The following ZER1 variants were observed in gnomAD, a reference collection of about 807,000 sequenced individuals.
ZER1 encodes protein zer-1 homolog.
In ZER1, 11 loss-of-function variants were observed where a neutral mutation model predicts 78.8. That is an observed-to-expected ratio of 0.14 (90% CI 0.09 to 0.23). ZER1 has a LOEUF of 0.23. ZER1 is among the 10% of genes least tolerant of loss of function. The pLI, the probability that ZER1 is intolerant of heterozygous loss-of-function variation, is 1.00. For synonymous variants in ZER1, 400 were observed against 407.0 expected (o/e 0.98, Z 0.21); for missense variants, 588 against 996.9 (o/e 0.59, Z 5.52).
rs755890202 is a variant in ZER1 at position 128,733,464 on chromosome 9, C to A, written c.2205G>T (p.Lys735Asn). Reference protein sequence around the residue: ...GGMPLLRDIIKMATARQETKE... With the variant: ...GGMPLLRDIINMATARQETKE... ...TGGTCTCCTGCCGTGCGGTCGCCAT[C>A]TTAATTATGTCCCTCAGAAGGGGCA... The change falls in exon 15 of 16, where the codon AAG (lysine) becomes AAT (asparagine). Residue 735 changes from lysine (K) to asparagine (N), a missense_variant. This residue lies in a region of ZER1 where 122 missense variants were observed against 173.5 expected (regional missense o/e 0.70). Coordinates refer to ENST00000291900, the MANE Select transcript of ZER1 (RefSeq NM_006336.4). 208 of 1,613,860 alleles carry A rather than the reference C, an allele frequency of 1.3e-4. No homozygotes were observed. Among genetic ancestry groups the A allele is most frequent in the Non-Finnish European group, 1.6e-4 (188 of 1,179,986 alleles).
intron 13 of ZER1, 111 bp downstream of exon 13, chr9:128,739,820 G>A: frequency 7.4e-7 from 1 of 1,358,830 alleles, no homozygotes; most frequent in South Asian, 1.4e-5. Context: ...GAACCCTACA[G>A]AAGACCAGAA....
At chr9:128,756,958 G>A (rs977697589) in intron 1 of ZER1, among the ~76,000 whole-genome samples, 42 of 152,162 alleles carry the variant, frequency 2.8e-4, no homozygotes, top group African/African-American at 1.0e-3. Context: ...CACAGCTAAA[G>A]ATTTCCTAAC....
chr9:128,753,869 C>T lies in ZER1; in HGVS notation c.249G>A (p.Thr83=), dbSNP rs1263493165. The change falls in exon 3 of 16, where the codon ACG becomes ACA. Residue 83 remains threonine (T), a synonymous_variant. Transcript: ENST00000291900. This position sits in a 1 kb window ranked among gnomAD's most constrained non-coding sequence, Gnocchi z 7.5. Reference sequence around the variant, plus strand: ...CCAGGTCCTCACGGAGGTGGATCCGCGTGAGGCGGGTGCTGCGGGGGTCCG... The same window carrying T: ...CCAGGTCCTCACGGAGGTGGATCCGTGTGAGGCGGGTGCTGCGGGGGTCCG... ...LFSDPRSTRL[T]RIHLREDLVQ... is the part of the protein sequence containing the mutation. 16 of 1,603,474 alleles carry T rather than the reference C, an allele frequency of 1.0e-5. No homozygotes were observed. Among genetic ancestry groups the T allele is most frequent in the East Asian group, 2.2e-5 (1 of 44,482 alleles).
intron 1 of ZER1, among the ~76,000 whole-genome samples, chr9:128,768,744 A>G (rs1864292250): frequency 6.6e-6 from 1 of 152,086 alleles, no homozygotes; most frequent in African/African-American, 2.4e-5. Flanking sequence ...TCTGCTTCCT[A>G]TAAAGCAGGC....
chr9:128,757,361 A>T (rs897104431), intron 1 of ZER1, among the ~76,000 whole-genome samples: 1 of 152,070 alleles, frequency 6.6e-6, no homozygotes, highest in Admixed American at 6.6e-5. Flanking sequence ...TCTACAAAAA[A>T]TACAAAAAAA....
intron 1 of ZER1, among the ~76,000 whole-genome samples, chr9:128,756,705 G>A (rs773470808): frequency 6.6e-6 from 1 of 152,212 alleles, no homozygotes; most frequent in Non-Finnish European, 1.5e-5. Flanking sequence ...CAAATCTATA[G>A]AGACAGAAGT....
At chr9:128,767,927 C>G (rs191715246) in intron 1 of ZER1, among the ~76,000 whole-genome samples, 1 of 152,322 alleles carries the variant, frequency 6.6e-6, no homozygotes, top group Non-Finnish European at 1.5e-5. Flanking sequence ...CTCGGCTCCA[C>G]AAGATCCCCA....
At position 128,753,060 on chromosome 9, in the gene ZER1, T is replaced by A. The variant is rs1433590961; in HGVS notation, c.746+104A>T. Reference sequence around the variant, plus strand: ...TGTGTCTTCATCCCCACCCTCTGCCTAGCCAAGCGCTCCTGAACCCTGAGG... The same window carrying A: ...TGTGTCTTCATCCCCACCCTCTGCCAAGCCAAGCGCTCCTGAACCCTGAGG... On this transcript the variant is annotated intron_variant, in intron 4 of 15. Coordinates refer to ENST00000291900, the MANE Select transcript of ZER1 (RefSeq NM_006336.4). The surrounding 1 kb of genome is among the most constrained non-coding windows in gnomAD (Gnocchi z 7.5). 1.5e-6 allele frequency: 2 copies of A among 1,292,706 alleles called. No homozygotes were observed. Among genetic ancestry groups the A allele is most frequent in the Non-Finnish European group, 2.1e-6 (2 of 963,996 alleles). The allele number at this position is 1,292,706 out of a possible 1,614,324, so 80.1% of individuals were successfully genotyped here.
chr9:128,736,218 G>A (rs1470935631), intron 13 of ZER1, among the ~76,000 whole-genome samples: 1 of 152,046 alleles, frequency 6.6e-6, no homozygotes, highest in Non-Finnish European at 1.5e-5. Flanking sequence ...CCAGAGTGCT[G>A]GGATTATAGG....
intron 1 of ZER1, among the ~76,000 whole-genome samples, chr9:128,771,277 T>C (rs1399970506): frequency 6.6e-6 from 1 of 152,194 alleles, no homozygotes; most frequent in Non-Finnish European, 1.5e-5. Context: ...TCTAAGCACT[T>C]CTCTGGGGGA....
At chr9:128,768,545 A>G (rs1864286221) in intron 1 of ZER1, among the ~76,000 whole-genome samples, 1 of 152,140 alleles carries the variant, frequency 6.6e-6, no homozygotes. Flanking sequence ...CGGGATTTGA[A>G]CCAGGTCCGC....
rs750953324 is a variant in ZER1 at position 128,751,073 on chromosome 9, C to A, written c.1185+49G>T. 6.5e-7 allele frequency: 1 copy of A among 1,544,792 alleles called. No individual in the cohort carries two copies. Among genetic ancestry groups the A allele is most frequent in the Non-Finnish European group, 8.8e-7 (1 of 1,142,164 alleles). The stretch of plus-strand genomic sequence containing the variant: ...ACACGGCTCAGCCAAGCCCGGCAAC[C>A]TCCAGGTGGGGAGGGACAGGAGGCC... On this transcript the variant is annotated intron_variant, in intron 7 of 15. Coordinates refer to ENST00000291900, the MANE Select transcript of ZER1 (RefSeq NM_006336.4). This position sits in a 1 kb window ranked among gnomAD's most constrained non-coding sequence, Gnocchi z 5.4.
chr9:128,755,421 G>A lies in ZER1; in HGVS notation c.145C>T (p.Arg49Trp). 2 of 1,614,014 alleles carry A rather than the reference G, an allele frequency of 1.2e-6. No individual in the cohort carries two copies. Among genetic ancestry groups the A allele is most frequent in the Non-Finnish European group, 1.7e-6 (2 of 1,180,018 alleles). The change falls in exon 2 of 16, where the codon CGG becomes TGG. Residue 49 changes from arginine (R) to tryptophan (W), a missense_variant. Physicochemically the swap from Arg to Trp is moderately radical, Grantham distance 101. Around this residue, in one of 3 missense-constraint regions of ZER1, gnomAD observed 406 missense variants for 660.1 expected, o/e 0.62. Transcript: ENST00000291900. This position sits in a 1 kb window ranked among gnomAD's most constrained non-coding sequence, Gnocchi z 5.6. ...GGGTCTGCTCACTCATTGACGAGCC[G>A]GTCACAGATCTCGCTGGGCAAGAAG... The part of the protein sequence containing the change: ...DIFLPSEICD[R>W]LVNEYVELVN...
At chr9:128,764,400 G>C (rs923647811) in intron 1 of ZER1, among the ~76,000 whole-genome samples, 1 of 152,124 alleles carries the variant, frequency 6.6e-6, no homozygotes, top group Non-Finnish European at 1.5e-5. Context: ...AGAGCCACTG[G>C]GGTTTTGCCT....
chr9:128,768,757 GA>G (rs1303464240), intron 1 of ZER1, among the ~76,000 whole-genome samples: 2 of 152,076 alleles, frequency 1.3e-5, no homozygotes, highest in Admixed American at 1.3e-4. Flanking sequence ...AAGCAGGCTG[GA>G]AAGTCTCAGC....
At chr9:128,768,164 G>T (rs944577357) in intron 1 of ZER1, among the ~76,000 whole-genome samples, 10 of 152,112 alleles carry the variant, frequency 6.6e-5, no homozygotes, top group African/African-American at 2.4e-4. Context: ...CAGCGATTGC[G>T]CCAGATATAA....
chr9:128,732,559 G>A lies in ZER1; in HGVS notation c.2243+867C>T, dbSNP rs977054929. On this transcript the variant is annotated intron_variant, in intron 15 of 15. Coordinates refer to ENST00000291900, the MANE Select transcript of ZER1 (RefSeq NM_006336.4). This position sits in a 1 kb window ranked among gnomAD's most constrained non-coding sequence, Gnocchi z 4.8. ...TAATTTTTGTATTTTTAGTAGAGAC[G>A]GGGTTTTACCATGTTAGCCAGGTCT... is the stretch of plus-strand genomic sequence containing the variant. Among the ~76,000 whole-genome samples the A allele has an allele frequency of 2.6e-5, 4 of 152,038 alleles. No individual in the cohort carries two copies. Among genetic ancestry groups the A allele is most frequent in the South Asian group, 2.1e-4 (1 of 4,814 alleles).
rs749579949 is a variant in ZER1, at chr9:128,742,684, T to C, written c.1421A>G (p.Gln474Arg). ...CAGGAGCTCGTTGACCCGGCGGTAC[T>C]GGAATTCCAGCTCCTCGGGGATGCT... ...NFSIPEELEF[Q>R]YRRVNELLLS... Residue 474 changes from glutamine (Q) to arginine (R), a missense_variant, in exon 9 of 16, where the codon CAG (glutamine) becomes CGG (arginine). Gln to Arg is a conservative substitution (Grantham distance 43). Around this residue, in one of 3 missense-constraint regions of ZER1, gnomAD observed 406 missense variants for 660.1 expected, o/e 0.62. Coordinates refer to ENST00000291900, the MANE Select transcript of ZER1 (RefSeq NM_006336.4). 6.2e-7 allele frequency: 1 copy of C among 1,614,152 alleles called. No individual in the cohort carries two copies. The highest frequency in any genetic ancestry group is 1.7e-5 in the Admixed American group (1 of 60,002).
chr9:128,745,269 C>G (rs923368192), intron 8 of ZER1, among the ~76,000 whole-genome samples: 9 of 150,364 alleles, frequency 6.0e-5, no homozygotes, highest in Admixed American at 3.3e-4. Flanking sequence ...TCATTGCAGC[C>G]TCAAAATCCT....
Sources: gnomAD v4.1 joint callset for allele counts (sites outside exome capture counted in the v4.1 genomes callset) on GRCh38, gnomAD v4.1.1 for gene constraint, gnomAD v4.1.1 regional missense constraint, Gnocchi (gnomAD v3.1) non-coding constraint, MANE v1.5 for transcripts, NCBI Gene and HGNC (gene_info 2026-07-23, HGNC 2026-07-21) for gene names.